The following CACNA1E variants were observed in gnomAD, a reference collection of about 807,000 sequenced individuals.
CACNA1E encodes voltage-dependent R-type calcium channel subunit alpha-1E.
CACNA1E carries 40 observed loss-of-function variants against 259.2 expected under a neutral mutation model. The ratio of observed to expected loss-of-function variants is 0.15; its 90% CI spans 0.12 to 0.20. CACNA1E has a LOEUF of 0.20. CACNA1E is among the 10% of genes least tolerant of loss of function. CACNA1E has a pLI of 1.00. For missense variants in CACNA1E, 1,874 were observed against 3,040.1 expected, an observed-to-expected ratio of 0.62 and a Z score of 9.02; for synonymous variants, 1,104 against 1,138.5, an observed-to-expected ratio of 0.97 and a Z score of 0.61.
chr1:181,605,196 A>C (rs1475392448), intron 6 of CACNA1E, among the ~76,000 whole-genome samples: 4 of 152,150 alleles, frequency 2.6e-5, no homozygotes, highest in African/African-American at 9.7e-5. Flanking sequence ...AGAAATTAGA[A>C]CAAGCAGGAA....
chr1:181,510,614 C>G (rs1666083531), intron 2 of CACNA1E, 32 bp downstream of exon 2: 1 of 1,399,020 alleles, frequency 7.1e-7, no homozygotes, highest in East Asian at 2.3e-5. Context: ...CCCCTTTGCC[C>G]CTTTTGTCTT....
chr1:181,764,676 A>G (rs375135624), intron 34 of CACNA1E, among the ~76,000 whole-genome samples: 1 of 152,144 alleles, frequency 6.6e-6, no homozygotes, highest in Non-Finnish European at 1.5e-5. Flanking sequence ...AATGAAAACT[A>G]TTTTTCTAAA....
intron 27 of CACNA1E, 119 bp downstream of exon 27, chr1:181,752,358 T>A: frequency 1.4e-6 from 1 of 733,094 alleles, no homozygotes. Flanking sequence ...CACACGGATA[T>A]CGAAGTTCTT....
intron 30 of CACNA1E, among the ~76,000 whole-genome samples, chr1:181,757,602 C>T (rs772515672): frequency 2.0e-5 from 3 of 152,060 alleles, no homozygotes; most frequent in Non-Finnish European, 4.4e-5. Flanking sequence ...AAGAGAAATG[C>T]GACATAAAGT....
intron 3 of CACNA1E, among the ~76,000 whole-genome samples, chr1:181,556,564 T>C (rs1648742840): frequency 6.6e-6 from 1 of 152,322 alleles, no homozygotes. Flanking sequence ...CTCTGAGCAT[T>C]GATCTTTGAT....
intron 3 of CACNA1E, among the ~76,000 whole-genome samples, chr1:181,550,080 G>A (rs1647961552): frequency 1.3e-5 from 2 of 152,150 alleles, no homozygotes; most frequent in African/African-American, 4.8e-5. Context: ...GAGCTAGGAT[G>A]ACTAGTTAGG....
intron 3 of CACNA1E, among the ~76,000 whole-genome samples, chr1:181,539,334 T>C (rs1157717125): frequency 6.6e-6 from 1 of 152,224 alleles, no homozygotes; most frequent in Admixed American, 6.5e-5. Context: ...TGGCACTTAG[T>C]AGTCATTCAG....
At position 181,351,851 on chromosome 1, in the gene CACNA1E, C is replaced by T. The variant is rs148511018; in HGVS notation, c.-15+33728C>T. ...CATCTCAAGATCCTCAACTCAATGA[C>T]GCCTGCAATGTCTCTTTTGCTATAT... On this transcript the variant is annotated intron_variant, in intron 1 of 11. Coordinates refer to the CACNA1E transcript ENST00000524607. Among the ~76,000 whole-genome samples, 879 of 152,296 alleles carry T rather than the reference C, an allele frequency of 5.8e-3. 7 individuals carry two copies. Among genetic ancestry groups the T allele is most frequent in the Non-Finnish European group, 8.0e-3 (545 of 68,028 alleles).
At chr1:181,439,378 C>T (rs953951407) in intron 2 of CACNA1E, among the ~76,000 whole-genome samples, 1 of 151,450 alleles carries the variant, frequency 6.6e-6, no homozygotes, top group African/African-American at 2.4e-5. Context: ...AAGTTTCATG[C>T]CCTGCTTGAG....
chr1:181,785,715 A>G lies in CACNA1E; in HGVS notation c.5682A>G (p.Lys1894=). The change falls in exon 43 of 48, where the codon AAA becomes AAG. Residue 1894 remains lysine, a splice_region_variant and synonymous_variant. Transcript: ENST00000367573. The part of the protein sequence containing the change: ...KKQRQQLEEQ[K]NAPMFQRMEP... ...TCTTCTTCCCTCTTTTTACCCAGAA[A>G]AATGCCCCCATGTTCCAGCGCATGG... 6.2e-7 allele frequency: 1 copy of G among 1,610,034 alleles called. No individual in the cohort carries two copies. The highest frequency in any genetic ancestry group is 1.3e-5 in the African/African-American group (1 of 74,864).
intron 3 of CACNA1E, among the ~76,000 whole-genome samples, chr1:181,565,400 A>G (rs1649719261): frequency 6.6e-6 from 1 of 152,282 alleles, no homozygotes; most frequent in Non-Finnish European, 1.5e-5. Context: ...GCCCTGTAAG[A>G]TTGGCTTTAT....
intron 6 of CACNA1E, among the ~76,000 whole-genome samples, chr1:181,582,624 A>G (rs1410635951): frequency 6.6e-6 from 1 of 152,234 alleles, no homozygotes; most frequent in Non-Finnish European, 1.5e-5. Flanking sequence ...CAGCTGAAGA[A>G]CCACTCATTT....
At chr1:181,354,724 G>T (rs745705509) in intron 1 of CACNA1E, among the ~76,000 whole-genome samples, 4 of 152,186 alleles carry the variant, frequency 2.6e-5, no homozygotes, top group Non-Finnish European at 5.9e-5. Context: ...GTAGAGCCTT[G>T]GTTCCGGGAA....
intron 38 of CACNA1E, among the ~76,000 whole-genome samples, chr1:181,779,283 C>G (rs2102811976): frequency 6.6e-6 from 1 of 152,338 alleles, no homozygotes; most frequent in South Asian, 2.1e-4. Flanking sequence ...TAATGGTTCT[C>G]TGGTGCTTAC....
At chr1:181,474,263 T>C (rs1054315269) in intron 2 of CACNA1E, among the ~76,000 whole-genome samples, 1 of 152,198 alleles carries the variant, frequency 6.6e-6, no homozygotes, top group Non-Finnish European at 1.5e-5. Context: ...AATACAAGCC[T>C]TTAAAGGAAA....
At chr1:181,784,600 C>T (rs1660705868) in intron 40 of CACNA1E, 61 bp from the exon 41 acceptor site, 2 of 1,152,630 alleles carry the variant, frequency 1.7e-6, no homozygotes, top group South Asian at 2.8e-5. Context: ...CCTTCACCTC[C>T]TCCCTCAGTC....
intron 3 of CACNA1E, among the ~76,000 whole-genome samples, chr1:181,540,457 TGAGA>T (rs1668496406): frequency 6.6e-6 from 1 of 152,156 alleles, no homozygotes; most frequent in Non-Finnish European, 1.5e-5. Flanking sequence ...CATATGAAAG[TGAGA>T]GAATTAGGAA....
intron 25 of CACNA1E, among the ~76,000 whole-genome samples, chr1:181,742,660 G>A (rs116681142): frequency 6.6e-6 from 1 of 152,256 alleles, no homozygotes; most frequent in Non-Finnish European, 1.5e-5. Flanking sequence ...CAACTCCCAG[G>A]AGCAAAGCCC....
chr1:181,699,912 G>A (rs541774867), intron 7 of CACNA1E, among the ~76,000 whole-genome samples: 3 of 152,278 alleles, frequency 2.0e-5, no homozygotes, highest in East Asian at 3.9e-4. Flanking sequence ...TGTTACATCC[G>A]AGATGCCTAT....
Sources: allele counts gnomAD v4.1 joint callset (sites outside exome capture counted in the v4.1 genomes callset), GRCh38; gene constraint gnomAD v4.1.1; transcripts MANE v1.5; gene names NCBI Gene and HGNC (gene_info 2026-07-23, HGNC 2026-07-21).